Variants in FOXP2 observed in about 807,000 individuals in gnomAD.
FOXP2 encodes the protein forkhead box P2.
A neutral mutation model predicts 115.8 loss-of-function variants in FOXP2; 12 were observed. The ratio of observed to expected loss-of-function variants is 0.10; its 90% CI spans 0.07 to 0.17. The LOEUF (loss-of-function observed/expected upper bound fraction) is 0.17. FOXP2 is among the 10% of genes least tolerant of loss of function. The pLI is 1.00. For synonymous variants in FOXP2, 328 were observed against 297.7 expected (o/e 1.10, Z -1.05); for missense variants, 629 against 843.5 (o/e 0.75, Z 3.15).
intron 1 of FOXP2, among the ~76,000 whole-genome samples, chr7:114,126,262 T>C (rs1791706103): frequency 1.3e-5 from 2 of 152,042 alleles, no homozygotes; most frequent in Admixed American, 6.6e-5. Context: ...GCCTACTAGG[T>C]TTATTTATAT....
intron 1 of FOXP2, among the ~76,000 whole-genome samples, chr7:114,218,112 C>T (rs1011877895): frequency 2.6e-5 from 4 of 152,080 alleles, no homozygotes; most frequent in African/African-American, 9.7e-5. Context: ...ACTCTGTCCC[C>T]CATACCTCAG....
chr7:114,379,343 A>G (rs1792222345), intron 2 of FOXP2, among the ~76,000 whole-genome samples: 1 of 152,140 alleles, frequency 6.6e-6, no homozygotes, highest in African/African-American at 2.4e-5. Context: ...TTAAAGGTGG[A>G]TGCGGTCACC....
At chr7:114,663,737 C>T (rs931457388) in intron 15 of FOXP2, among the ~76,000 whole-genome samples, 3 of 151,986 alleles carry the variant, frequency 2.0e-5, no homozygotes, top group African/African-American at 4.8e-5. Flanking sequence ...CTGGAACATT[C>T]GGTTTTTCTG....
At chr7:114,689,656 G>A in intron 16 of FOXP2, 126 bp from the exon 17 acceptor site, 3 of 882,922 alleles carry the variant, frequency 3.4e-6, no homozygotes, top group Admixed American at 4.0e-5. Flanking sequence ...TCAATCAGAT[G>A]CCCTTTTAAG....
intron 2 of FOXP2, among the ~76,000 whole-genome samples, chr7:114,343,486 TC>T (rs1294684574): frequency 1.3e-5 from 2 of 151,606 alleles, no homozygotes; most frequent in African/African-American, 4.8e-5. Flanking sequence ...AGAGTTAGGC[TC>T]ATTGTACTAT....
intron 3 of FOXP2, among the ~76,000 whole-genome samples, chr7:114,622,335 A>G (rs1033938646): frequency 6.6e-6 from 1 of 151,974 alleles, no homozygotes; most frequent in Admixed American, 6.6e-5. Context: ...TGGAGGTGTT[A>G]TATTCTGGCA....
intron 1 of FOXP2, among the ~76,000 whole-genome samples, chr7:114,114,820 T>A (rs1407867988): frequency 6.6e-6 from 1 of 152,092 alleles, no homozygotes; most frequent in African/African-American, 2.4e-5. Context: ...AGTTATATCA[T>A]CCTAAAATTT....
chr7:114,352,463 T>C (rs1791516940), intron 2 of FOXP2, among the ~76,000 whole-genome samples: 1 of 152,146 alleles, frequency 6.6e-6, no homozygotes, highest in Non-Finnish European at 1.5e-5. Flanking sequence ...TGTATAAATA[T>C]ACTAGGACTG....
chr7:114,688,928 TAAC>T (rs1442699248), intron 16 of FOXP2, among the ~76,000 whole-genome samples: 2 of 152,128 alleles, frequency 1.3e-5, no homozygotes, highest in African/African-American at 4.8e-5. Context: ...CGGTTTCTAT[TAAC>T]AAGATAAAAA....
At chr7:114,486,647 A>G (rs1796790300) in intron 2 of FOXP2, among the ~76,000 whole-genome samples, 1 of 152,228 alleles carries the variant, frequency 6.6e-6, no homozygotes, top group Admixed American at 6.5e-5. Context: ...AAAGCAAGTC[A>G]GTTACTTTCT....
chr7:114,674,399 C>T (rs1264999526), intron 16 of FOXP2, among the ~76,000 whole-genome samples: 2 of 152,128 alleles, frequency 1.3e-5, no homozygotes, highest in Non-Finnish European at 2.9e-5. Context: ...CATAATTGCA[C>T]ATTTCTTTAA....
intron 1 of FOXP2, among the ~76,000 whole-genome samples, chr7:114,237,115 A>C (rs904001468): frequency 5.3e-5 from 8 of 152,318 alleles, no homozygotes; most frequent in African/African-American, 7.2e-5. Flanking sequence ...TTTCTACAAG[A>C]AAGTTTGTTT....
At chr7:114,110,593 A>C (rs1791243454) in intron 1 of FOXP2, among the ~76,000 whole-genome samples, 1 of 152,096 alleles carries the variant, frequency 6.6e-6, no homozygotes, top group South Asian at 2.1e-4. Flanking sequence ...TCATTGGGGT[A>C]CTTGTGGTGT....
At chr7:114,663,971 T>A (rs539184225) in intron 15 of FOXP2, among the ~76,000 whole-genome samples, 1 of 152,198 alleles carries the variant, frequency 6.6e-6, no homozygotes, top group Non-Finnish European at 1.5e-5. Context: ...GCAGAGCAAC[T>A]GCTTATATTA....
At chr7:114,371,688 C>A (rs1792013735) in intron 2 of FOXP2, among the ~76,000 whole-genome samples, 1 of 151,996 alleles carries the variant, frequency 6.6e-6, no homozygotes, top group African/African-American at 2.4e-5. Flanking sequence ...TTCTGCCCTC[C>A]CCACCCCTGA....
chr7:114,682,126 A>T (rs185021653), intron 16 of FOXP2, among the ~76,000 whole-genome samples: 6 of 152,216 alleles, frequency 3.9e-5, no homozygotes, highest in South Asian at 2.1e-4. Context: ...TCCTTGCTTT[A>T]TGGGTAAAGA....
At chr7:114,342,975 G>T (rs888158490) in intron 2 of FOXP2, among the ~76,000 whole-genome samples, 8 of 151,508 alleles carry the variant, frequency 5.3e-5, no homozygotes, top group African/African-American at 1.9e-4. Flanking sequence ...ACTGAATTTT[G>T]ATGATATAAG....
At chr7:114,428,257 C>T (rs1393904238) in intron 2 of FOXP2, among the ~76,000 whole-genome samples, 9 of 151,414 alleles carry the variant, frequency 5.9e-5, no homozygotes, top group Non-Finnish European at 3.0e-5. Flanking sequence ...GAAAAAATGC[C>T]AAGAAATCTT....
chr7:114,204,443 A>G (rs1053399881), intron 1 of FOXP2, among the ~76,000 whole-genome samples: 1 of 152,208 alleles, frequency 6.6e-6, no homozygotes, highest in African/African-American at 2.4e-5. Context: ...AAAAAGTCTG[A>G]GAACTGAGTC....
Sources: gnomAD v4.1 joint callset for allele counts (sites outside exome capture counted in the v4.1 genomes callset) on GRCh38, gnomAD v4.1.1 for gene constraint, MANE v1.5 for transcripts, NCBI Gene and HGNC (gene_info 2026-07-23, HGNC 2026-07-21) for gene names.